The following RPS6KC1 variants were observed in gnomAD, a reference collection of about 807,000 sequenced individuals.
RPS6KC1 encodes ribosomal protein S6 kinase C1.
RPS6KC1 carries 54 observed loss-of-function variants against 103.8 expected under a neutral mutation model. The observed-to-expected ratio is 0.52, with a 90% confidence interval of 0.42 to 0.65. The LOEUF (loss-of-function observed/expected upper bound fraction) is 0.65, where lower values mean the gene tolerates loss of function less well. RPS6KC1 is among the 30% of genes least tolerant of loss of function. The pLI, the probability that RPS6KC1 is intolerant of heterozygous loss-of-function variation, is 0.00. For missense variants in RPS6KC1, 1,151 were observed against 1,253.8 expected (o/e 0.92, Z 1.24); for synonymous variants, 439 against 438.7 (o/e 1.00, Z -0.01).
At chr1:213,195,224 T>C (rs1010860506) in intron 8 of RPS6KC1, among the ~76,000 whole-genome samples, 2 of 152,220 alleles carry the variant, frequency 1.3e-5, no homozygotes. Context: ...CTTGTGGTTA[T>C]GAGAATGTAT....
chr1:213,052,858 G>A (rs962874029), intron 1 of RPS6KC1, among the ~76,000 whole-genome samples: 1 of 152,126 alleles, frequency 6.6e-6, no homozygotes, highest in African/African-American at 2.4e-5. Context: ...GAATCTTAAA[G>A]GTTAAATAGA....
At chr1:213,281,869 A>C in the RPS6KC1 span, among the ~76,000 whole-genome samples, 4 of 152,188 alleles carry the variant, frequency 2.6e-5, no homozygotes, top group Admixed American at 6.5e-5. Flanking sequence ...CCATTGCAGC[A>C]TTGGTAGCAG....
the RPS6KC1 span, among the ~76,000 whole-genome samples, chr1:213,780,331 A>G: frequency 6.6e-6 from 1 of 152,226 alleles, no homozygotes; most frequent in Non-Finnish European, 1.5e-5. Context: ...CAGATGCCCA[A>G]CTGCCCCTCT....
At chr1:213,544,113 A>C in the RPS6KC1 span, among the ~76,000 whole-genome samples, 1 of 148,552 alleles carries the variant, frequency 6.7e-6, no homozygotes, top group Non-Finnish European at 1.5e-5. Flanking sequence ...AGAGAAGGAG[A>C]AGAAGAAAGA....
chr1:213,610,158 T>G, the RPS6KC1 span, among the ~76,000 whole-genome samples: 2 of 152,178 alleles, frequency 1.3e-5, no homozygotes, highest in African/African-American at 4.8e-5. Context: ...GGCATTTTAC[T>G]GTGGAGTCGC....
chr1:213,112,834 T>G (rs1411731383), intron 4 of RPS6KC1, among the ~76,000 whole-genome samples: 4 of 152,160 alleles, frequency 2.6e-5, no homozygotes, highest in Non-Finnish European at 5.9e-5. Flanking sequence ...TTGTTCTTGC[T>G]ATAGTTTACT....
the RPS6KC1 span, among the ~76,000 whole-genome samples, chr1:213,355,233 A>G: frequency 1.2e-3 from 173 of 150,372 alleles, no homozygotes; most frequent in Non-Finnish European, 2.1e-3. Flanking sequence ...GAAAAAAAAA[A>G]GAGAGAGAGA....
chr1:213,555,540 CT>C, the RPS6KC1 span, among the ~76,000 whole-genome samples: 4 of 152,138 alleles, frequency 2.6e-5, no homozygotes, highest in African/African-American at 9.7e-5. Context: ...CCTCGACCCC[CT>C]GGGCTTCAAG....
the RPS6KC1 span, among the ~76,000 whole-genome samples, chr1:213,551,011 G>T: frequency 6.6e-6 from 1 of 152,204 alleles, no homozygotes; most frequent in Non-Finnish European, 1.5e-5. Context: ...GAAACTTGGG[G>T]TAGCAGTCAG....
At chr1:213,430,924 A>G in the RPS6KC1 span, among the ~76,000 whole-genome samples, 1 of 152,192 alleles carries the variant, frequency 6.6e-6, no homozygotes, top group South Asian at 2.1e-4. Flanking sequence ...TGCCTTTACA[A>G]GTATCTGTTT....
the RPS6KC1 span, among the ~76,000 whole-genome samples, chr1:213,755,042 G>C: frequency 6.6e-6 from 1 of 152,108 alleles, no homozygotes; most frequent in Non-Finnish European, 1.5e-5. Context: ...TCTAGGATTC[G>C]TTCCTTACAC....
chr1:213,554,489 G>A, the RPS6KC1 span, among the ~76,000 whole-genome samples: 1 of 152,146 alleles, frequency 6.6e-6, no homozygotes, highest in African/African-American at 2.4e-5. Flanking sequence ...GCTTAGGATT[G>A]CACTGGCTAT....
At chr1:213,182,145 T>C (rs1558490634) in intron 8 of RPS6KC1, among the ~76,000 whole-genome samples, 2 of 152,186 alleles carry the variant, frequency 1.3e-5, no homozygotes, top group African/African-American at 4.8e-5. Flanking sequence ...GAGTTATGTA[T>C]ATATAATATA....
chr1:213,555,940 A>G, the RPS6KC1 span, among the ~76,000 whole-genome samples: 1 of 152,206 alleles, frequency 6.6e-6, no homozygotes, highest in African/African-American at 2.4e-5. Flanking sequence ...AGAATGGGGT[A>G]TGAGACTCCA....
At chr1:213,094,015 C>T (rs1182211815) in intron 3 of RPS6KC1, among the ~76,000 whole-genome samples, 4 of 152,036 alleles carry the variant, frequency 2.6e-5, no homozygotes, top group Non-Finnish European at 5.9e-5. Flanking sequence ...TTATTCATCT[C>T]ATCAGTATAG....
the RPS6KC1 span, among the ~76,000 whole-genome samples, chr1:213,395,338 T>C: frequency 6.6e-6 from 1 of 151,796 alleles, no homozygotes; most frequent in Non-Finnish European, 1.5e-5. Flanking sequence ...TCTCAAAGAG[T>C]GTTGGGTGAA....
the RPS6KC1 span, among the ~76,000 whole-genome samples, chr1:213,651,509 G>A: frequency 6.6e-6 from 1 of 152,192 alleles, no homozygotes; most frequent in Non-Finnish European, 1.5e-5. Context: ...ACTGGTGCAC[G>A]ATGCCCATGG....
chr1:213,348,546 T>C, the RPS6KC1 span, among the ~76,000 whole-genome samples: 1 of 152,076 alleles, frequency 6.6e-6, no homozygotes, highest in Non-Finnish European at 1.5e-5. Context: ...GTGGAGAAAA[T>C]ATGCAAAAAA....
the RPS6KC1 span, among the ~76,000 whole-genome samples, chr1:213,590,733 A>G: frequency 2.0e-5 from 3 of 152,062 alleles, no homozygotes; most frequent in Non-Finnish European, 4.4e-5. Context: ...GAGGACTAAC[A>G]TCCTAGGACT....
Sources: allele counts gnomAD v4.1 joint callset (sites outside exome capture counted in the v4.1 genomes callset), GRCh38; gene constraint gnomAD v4.1.1; transcripts MANE v1.5; gene names NCBI Gene and HGNC (gene_info 2026-07-23, HGNC 2026-07-21).